Variants in ADAMTS19 observed in about 807,000 individuals in gnomAD.
ADAMTS19 encodes the protein A disintegrin and metalloproteinase with thrombospondin motifs 19.
Under a neutral mutation model 153.3 loss-of-function variants are expected in ADAMTS19, and 93 were observed. The observed-to-expected ratio is 0.61, with a 90% confidence interval of 0.51 to 0.72. The LOEUF is 0.72. ADAMTS19 is among the 30% of genes least tolerant of loss of function. ADAMTS19 has a pLI of 0.00. For missense variants in ADAMTS19, 1,482 were observed against 1,552.1 expected (o/e 0.95, Z 0.76); for synonymous variants, 600 against 556.6 (o/e 1.08, Z -1.10).
rs1757709355 is a variant in ADAMTS19, at chr5:129,737,252, C to T, written c.*34C>T. ...AGGCTGGCTGGATCACAGCTCTTGG[C>T]AATTACATTATTTATAAACACACAC... On this transcript the variant is annotated 3_prime_UTR_variant, in exon 23 of 23. Transcript: ENST00000274487. 6.7e-7 allele frequency: 1 copy of T among 1,503,328 alleles called. No individual in the cohort carries two copies. Among genetic ancestry groups the T allele is most frequent in the South Asian group, 1.3e-5 (1 of 78,222 alleles). The allele number at this position is 1,503,328 out of a possible 1,614,324, so 93.1% of individuals were successfully genotyped here. A position where few individuals can be genotyped will look rare whatever the true frequency, so the allele number is the denominator to read the frequency against.
At chr5:129,683,898 C>T (rs1052654225) in intron 17 of ADAMTS19, among the ~76,000 whole-genome samples, 2 of 150,304 alleles carry the variant, frequency 1.3e-5, no homozygotes, top group Non-Finnish European at 2.9e-5. Flanking sequence ...AAGGTAAGTA[C>T]GAAGCTCCAG....
chr5:129,581,390 G>T (rs917785817), intron 7 of ADAMTS19, among the ~76,000 whole-genome samples: 1 of 151,516 alleles, frequency 6.6e-6, no homozygotes, highest in Non-Finnish European at 1.5e-5. Context: ...TATTTGCATC[G>T]GGGTATTTAT....
chr5:129,533,780 T>C (rs1333800530), intron 6 of ADAMTS19, among the ~76,000 whole-genome samples: 1 of 152,134 alleles, frequency 6.6e-6, no homozygotes, highest in Admixed American at 6.5e-5. Context: ...GTAACAGAGA[T>C]TCTGGTATGT....
At chr5:129,572,801 G>C (rs978884929) in intron 7 of ADAMTS19, among the ~76,000 whole-genome samples, 7 of 151,934 alleles carry the variant, frequency 4.6e-5, no homozygotes, top group Non-Finnish European at 7.4e-5. Context: ...AAGAAGTTTT[G>C]GGGTGTGATG....
chr5:129,486,037 C>T lies in ADAMTS19; in HGVS notation c.748-23040C>T, dbSNP rs373476265. Among the ~76,000 whole-genome samples, 24 of 152,142 alleles carry T rather than the reference C, an allele frequency of 1.6e-4. 1 individual carries two copies. In the East Asian group the frequency reaches 2.9e-3, roughly 18 times the overall value. Reference sequence around the variant, plus strand: ...AACTCCTGACCTCAAGTGATCTGCTCGCCTCACCCTCCCAAACTGCTGGGA... The same window carrying T: ...AACTCCTGACCTCAAGTGATCTGCTTGCCTCACCCTCCCAAACTGCTGGGA... On this transcript the variant is annotated intron_variant, in intron 2 of 22. Transcript: ENST00000274487.
In ADAMTS19 at chr5:129,594,944, C is replaced by A. The variant is rs2126916564; in HGVS notation, c.1373-1615C>A. Among the ~76,000 whole-genome samples, 2 of 152,126 alleles carry A rather than the reference C, an allele frequency of 1.3e-5. 1 individual carries two copies. The highest frequency in any genetic ancestry group is 4.2e-4 in the South Asian group (2 of 4,814). On this transcript the variant is annotated intron_variant, in intron 7 of 22. Transcript: ENST00000274487. ...TCTGTCTATTCATCCATCCGTCCACCTAACCACCCATTCATTAAGAAGTCA... is the reference window on the plus strand; with the variant it reads ...TCTGTCTATTCATCCATCCGTCCACATAACCACCCATTCATTAAGAAGTCA...
intron 13 of ADAMTS19, among the ~76,000 whole-genome samples, chr5:129,652,171 A>T (rs1753345649): frequency 6.6e-6 from 1 of 152,236 alleles, no homozygotes; most frequent in Non-Finnish European, 1.5e-5. Context: ...TCAGCAGGTT[A>T]CCATTTGTGA....
chr5:129,639,836 A>T (rs1421968508), intron 10 of ADAMTS19, among the ~76,000 whole-genome samples: 4 of 152,184 alleles, frequency 2.6e-5, no homozygotes, highest in Non-Finnish European at 4.4e-5. Context: ...CCTTGACAGA[A>T]AGTTCCTAGA....
chr5:129,610,740 CA>C (rs1751168012), intron 8 of ADAMTS19, among the ~76,000 whole-genome samples: 1 of 152,108 alleles, frequency 6.6e-6, no homozygotes, highest in Admixed American at 6.6e-5. Context: ...AATAGTGCCG[CA>C]ATAAACATAC....
chr5:129,548,345 C>T (rs563945306), intron 6 of ADAMTS19, among the ~76,000 whole-genome samples: 20 of 148,492 alleles, frequency 1.3e-4, no homozygotes, highest in Non-Finnish European at 1.6e-4. Flanking sequence ...AAACAAACAA[C>T]CCCATCAAAA....
At chr5:129,491,860 A>T (rs78517943) in intron 2 of ADAMTS19, among the ~76,000 whole-genome samples, 92 of 150,108 alleles carry the variant, frequency 6.1e-4, no homozygotes, top group Non-Finnish European at 8.1e-4. Context: ...ATTATTATTT[A>T]AAAAAACTCA....
At chr5:129,736,954 T>C (rs1406309560) in intron 22 of ADAMTS19, 113 bp from the exon 23 acceptor site, 6 of 1,024,908 alleles carry the variant, frequency 5.9e-6, no homozygotes, top group Non-Finnish European at 8.0e-6. Flanking sequence ...GAAGGTAATA[T>C]AAATGAACCA....
At chr5:129,701,871 G>C (rs144309778) in intron 20 of ADAMTS19, among the ~76,000 whole-genome samples, 262 of 152,070 alleles carry the variant, frequency 1.7e-3, no homozygotes, top group Non-Finnish European at 2.7e-3. Context: ...CTATACTCTT[G>C]AGTTGGCACA....
In ADAMTS19 at chr5:129,622,191, T is replaced by C; in HGVS notation, c.1620-7T>C. The C allele has an allele frequency of 6.2e-7, 1 of 1,614,072 alleles. No individual in the cohort carries two copies. On this transcript the variant is annotated splice_region_variant and splice_polypyrimidine_tract_variant and intron_variant, in intron 9 of 22. Coordinates refer to ENST00000274487, the MANE Select transcript of ADAMTS19 (RefSeq NM_133638.6). ...TCAAAAGTTTACACATACCTGCCTA[T>C]TGCCAGGTCAAAGGCCAGTAACTGC...
chr5:129,718,121 C>A (rs1756813069), intron 21 of ADAMTS19, among the ~76,000 whole-genome samples: 1 of 152,150 alleles, frequency 6.6e-6, no homozygotes, highest in Admixed American at 6.5e-5. Context: ...TTAATTACTT[C>A]TTAATGCAAA....
chr5:129,529,021 C>T (rs192617510), intron 6 of ADAMTS19, among the ~76,000 whole-genome samples: 2 of 152,094 alleles, frequency 1.3e-5, no homozygotes, highest in Admixed American at 6.6e-5. Flanking sequence ...CAGTCATCAC[C>T]ATATAAAGTA....
At chr5:129,590,671 T>C (rs62399014) in intron 7 of ADAMTS19, among the ~76,000 whole-genome samples, 9,268 of 152,270 alleles carry the variant, frequency 0.061, 413 homozygotes, top group Non-Finnish European at 0.088. Context: ...TTTACATTCC[T>C]AGATCACCTT....
chr5:129,686,952 C>G (rs1332774230), intron 18 of ADAMTS19, among the ~76,000 whole-genome samples: 1 of 152,128 alleles, frequency 6.6e-6, no homozygotes, highest in Non-Finnish European at 1.5e-5. Flanking sequence ...TTGAGCTCTT[C>G]TATCCTCCCA....
chr5:129,648,463 TTA>T (rs1753165925), intron 12 of ADAMTS19, among the ~76,000 whole-genome samples: 1 of 152,192 alleles, frequency 6.6e-6, no homozygotes, highest in African/African-American at 2.4e-5. Context: ...AAACACCTCC[TTA>T]AAAATTCTAA....
Sources: allele counts gnomAD v4.1 joint callset (sites outside exome capture counted in the v4.1 genomes callset), GRCh38; gene constraint gnomAD v4.1.1; transcripts MANE v1.5; gene names NCBI Gene and HGNC (gene_info 2026-07-23, HGNC 2026-07-21).